Variants in TRPM6 observed in about 807,000 individuals in gnomAD.
The protein encoded by TRPM6 is channel kinase 2.
TRPM6 carries 111 observed loss-of-function variants against 247.6 expected under a neutral mutation model. The ratio of observed to expected loss-of-function variants is 0.45; its 90% CI spans 0.38 to 0.52. TRPM6 has a LOEUF of 0.52. Among genes scored for constraint, TRPM6 ranks in the 20% least tolerant of loss-of-function variants. The pLI is 0.00. For missense variants in TRPM6, 2,126 were observed against 2,421.5 expected (o/e 0.88, Z 2.56); for synonymous variants, 892 against 853.8 (o/e 1.04, Z -0.78).
At chr9:74,878,376 A>G (rs1831254736) in intron 1 of TRPM6, among the ~76,000 whole-genome samples, 1 of 152,142 alleles carries the variant, frequency 6.6e-6, no homozygotes, top group African/African-American at 2.4e-5. Flanking sequence ...GGGCCCAAAG[A>G]CTGGCACATT....
intron 3 of TRPM6, 97 bp from the exon 4 acceptor site, chr9:74,842,440 ATTTC>A: frequency 1.6e-6 from 2 of 1,246,662 alleles, no homozygotes; most frequent in Non-Finnish European, 2.3e-6. Flanking sequence ...GCCATATACT[ATTTC>A]TTAAAACTTC....
At chr9:74,836,163 C>G (rs560477197) in intron 5 of TRPM6, among the ~76,000 whole-genome samples, 14 of 152,148 alleles carry the variant, frequency 9.2e-5, no homozygotes, top group African/African-American at 3.1e-4. Context: ...GCTGATCTTT[C>G]TACTGTCTCC....
At chr9:74,750,581 G>A (rs1826210561) in intron 30 of TRPM6, 83 bp downstream of exon 30, 14 of 1,180,990 alleles carry the variant, frequency 1.2e-5, no homozygotes, top group Non-Finnish European at 1.8e-5. Flanking sequence ...CTCCCTTTCT[G>A]ACTAAATTAA....
At chr9:74,820,485 T>G (rs1453555364) in intron 8 of TRPM6, 58 bp from the exon 9 acceptor site, 1 of 1,609,012 alleles carries the variant, frequency 6.2e-7, no homozygotes, top group African/African-American at 1.3e-5. Flanking sequence ...GCCGGCAACA[T>G]CAGTACAAGA....
At chr9:74,766,483 C>A in intron 25 of TRPM6, among the ~76,000 whole-genome samples, 1 of 152,226 alleles carries the variant, frequency 6.6e-6, no homozygotes, top group Non-Finnish European at 1.5e-5. Flanking sequence ...TAATTACAAT[C>A]ATCATGAAAA....
chr9:74,875,792 G>C (rs550548062), intron 1 of TRPM6, among the ~76,000 whole-genome samples: 2 of 152,120 alleles, frequency 1.3e-5, no homozygotes, highest in Non-Finnish European at 2.9e-5. Context: ...GCTAAAATAC[G>C]TTTTCTTTTG....
At position 74,801,190 on chromosome 9, in the gene TRPM6, G is replaced by C. The variant is rs535702181; in HGVS notation, c.2009+708C>G. On this transcript the variant is annotated intron_variant, in intron 16 of 38. Transcript: ENST00000360774. ...TAGCCTCAATCAATCCTCCCACCTTGGTGTCCCAAAGTGCTGAGATTAAAG... is the reference window on the plus strand; with the variant it reads ...TAGCCTCAATCAATCCTCCCACCTTCGTGTCCCAAAGTGCTGAGATTAAAG... Among the ~76,000 whole-genome samples, 20 of 147,286 alleles carry C rather than the reference G, an allele frequency of 1.4e-4. No individual in the cohort carries two copies. In the South Asian group the frequency reaches 3.9e-3, roughly 29 times the overall value.
At chr9:74,754,222 T>C (rs1399555402) in intron 28 of TRPM6, among the ~76,000 whole-genome samples, 4 of 152,128 alleles carry the variant, frequency 2.6e-5, no homozygotes, top group Non-Finnish European at 5.9e-5. Context: ...TAAATTAAGC[T>C]CTCACGCTAT....
chr9:74,879,615 C>T (rs1587610010), intron 1 of TRPM6, among the ~76,000 whole-genome samples: 1 of 152,182 alleles, frequency 6.6e-6, no homozygotes, highest in East Asian at 1.9e-4. Flanking sequence ...ACCCTATACC[C>T]TGGGAGAAGA....
At chr9:74,881,607 A>G (rs1554742064) in intron 1 of TRPM6, among the ~76,000 whole-genome samples, 1 of 152,292 alleles carries the variant, frequency 6.6e-6, no homozygotes, top group African/African-American at 2.4e-5. Context: ...TTGACAGAAC[A>G]TCTCATCCAA....
chr9:74,849,455 G>A (rs1738958163), intron 3 of TRPM6, among the ~76,000 whole-genome samples: 1 of 151,870 alleles, frequency 6.6e-6, no homozygotes, highest in South Asian at 2.1e-4. Flanking sequence ...CCCAGGATGT[G>A]TGCACACAGA....
chr9:74,729,314 G>A (rs1359227897), intron 37 of TRPM6, among the ~76,000 whole-genome samples: 2 of 152,140 alleles, frequency 1.3e-5, no homozygotes, highest in Non-Finnish European at 2.9e-5. Flanking sequence ...TAAGGAATGC[G>A]GTTTTTCAAA....
At chr9:74,728,425 G>C in intron 37 of TRPM6, 80 bp from the exon 38 acceptor site, 1 of 971,268 alleles carries the variant, frequency 1.0e-6, no homozygotes, top group Non-Finnish European at 1.7e-6. Flanking sequence ...ATACCGAACA[G>C]TATCCCATAG....
chr9:74,729,790 C>T (rs1173871137), intron 37 of TRPM6, among the ~76,000 whole-genome samples: 1 of 152,216 alleles, frequency 6.6e-6, no homozygotes, highest in Non-Finnish European at 1.5e-5. Flanking sequence ...AATGCCTTTT[C>T]ATAGTCTCTC....
chr9:74,798,484 A>C (rs944543113), intron 17 of TRPM6, among the ~76,000 whole-genome samples: 3 of 152,172 alleles, frequency 2.0e-5, no homozygotes, highest in African/African-American at 7.2e-5. Context: ...ATCTCTAGAC[A>C]ACTTCCTGAA....
At chr9:74,748,193 T>C (rs1340716919) in intron 30 of TRPM6, among the ~76,000 whole-genome samples, 2 of 152,188 alleles carry the variant, frequency 1.3e-5, no homozygotes, top group African/African-American at 4.8e-5. Flanking sequence ...TACTTATGTG[T>C]TTGTAATTAT....
chr9:74,873,873 A>G (rs1831106070), intron 1 of TRPM6, among the ~76,000 whole-genome samples: 1 of 152,098 alleles, frequency 6.6e-6, no homozygotes, highest in South Asian at 2.1e-4. Flanking sequence ...TCAGAAAAAA[A>G]AAACCCTCAC....
chr9:74,823,524 C>T lies in TRPM6; in HGVS notation c.842-1687G>A, dbSNP rs549803239. On this transcript the variant is annotated intron_variant, in intron 7 of 38. Coordinates refer to ENST00000360774, the MANE Select transcript of TRPM6 (RefSeq NM_017662.5). ...CAACCATCCAAAAACTTCACTCCATCGATTTAGTTGCTTTGACATTCTACT... is the reference window on the plus strand; with the variant it reads ...CAACCATCCAAAAACTTCACTCCATTGATTTAGTTGCTTTGACATTCTACT... Among the ~76,000 whole-genome samples, 41 of 152,194 alleles carry T rather than the reference C, an allele frequency of 2.7e-4. No homozygotes were observed. The South Asian group carries it at 7.5e-3, about 28-fold the overall frequency.
chr9:74,830,616 GCCC>G (rs1829509383), intron 6 of TRPM6, among the ~76,000 whole-genome samples: 5 of 151,744 alleles, frequency 3.3e-5, no homozygotes, highest in Admixed American at 3.3e-4. Flanking sequence ...TTACTCTGTT[GCCC>G]AGGCTGGAGT....
Sources: gnomAD v4.1 joint callset for allele counts (sites outside exome capture counted in the v4.1 genomes callset) on GRCh38, gnomAD v4.1.1 for gene constraint, MANE v1.5 for transcripts, NCBI Gene and HGNC (gene_info 2026-07-23, HGNC 2026-07-21) for gene names.